Variants in TAS1R3 observed in about 807,000 individuals in gnomAD.
TAS1R3 encodes the protein taste 1 receptor member 3.
In TAS1R3, 58 loss-of-function variants were observed where a neutral mutation model predicts 46.1. The ratio of observed to expected loss-of-function variants is 1.26; its 90% CI spans 1.02 to 1.57. TAS1R3 has a LOEUF of 1.57. TAS1R3 is among the 40% of genes most tolerant of loss of function. TAS1R3 has a pLI of 0.00. For synonymous variants in TAS1R3, 724 were observed against 544.7 expected (o/e 1.33, Z -4.58); for missense variants, 1,422 against 1,185.8 (o/e 1.20, Z -2.93).
In TAS1R3 at chr1:1,333,000, T is replaced by TG; in HGVS notation, c.1357dup (p.Glu453GlyfsTer39). On this transcript the variant is annotated frameshift_variant, in exon 4 of 6. Coordinates refer to ENST00000339381, the MANE Select transcript of TAS1R3 (RefSeq NM_152228.3). LOFTEE classifies it high-confidence loss of function. ...TTCGACAGCAGCGGAAACGTGGACA[T>TG]GGAGTACGACCTGAAGCTGTGGGTG... The TG allele has an allele frequency of 1.9e-6, 3 of 1,612,746 alleles. No individual in the cohort carries two copies. The highest frequency in any genetic ancestry group is 4.5e-5 in the East Asian group (2 of 44,872).
rs752701749 is a variant in TAS1R3 at position 1,334,511 on chromosome 1, T to TC, written c.*54dup. On this transcript the variant is annotated 3_prime_UTR_variant, in exon 6 of 6. Coordinates refer to ENST00000339381, the MANE Select transcript of TAS1R3 (RefSeq NM_152228.3). The stretch of plus-strand genomic sequence containing the variant: ...CCGGTGAACCCAGACTTAGCTGCGA[T>TC]CCCCCCCAAGCCAGCAATGACCCGT... The TC allele has an allele frequency of 7.6e-6, 11 of 1,451,400 alleles. No individual in the cohort carries two copies. In the East Asian group the frequency reaches 9.8e-5, roughly 13 times the overall value. 89.9% of individuals were successfully genotyped at this position (1,451,400 alleles called of 1,614,324 possible).
In TAS1R3 at chr1:1,333,087, A is replaced by G. The variant is rs1270900600; in HGVS notation, c.1442A>G (p.Glu481Gly). The change falls in exon 4 of 6, where the codon GAG becomes GGG. Residue 481 changes from glutamate to glycine, a missense_variant. Transcript: ENST00000339381. The part of the protein sequence containing the change: ...VGRFNGSLRT[E>G]RLKIRWHTSD... ...AGGTTCAACGGCAGCCTCAGGACAG[A>G]GCGCCTGAAGATCCGCTGGCACACG... is the stretch of plus-strand genomic sequence containing the variant. The G allele has an allele frequency of 1.9e-6, 3 of 1,612,330 alleles. No individual in the cohort carries two copies.
rs1436911829 is a variant in TAS1R3 at position 1,334,002 on chromosome 1, C to G, written c.2097C>G (p.Tyr699Ter). The G allele has an allele frequency of 6.2e-7, 1 of 1,600,396 alleles. No homozygotes were observed. Among genetic ancestry groups the G allele is most frequent in the Non-Finnish European group, 8.5e-7 (1 of 1,179,790 alleles). The stretch of plus-strand genomic sequence containing the variant: ...TGGAGGTCGCACTGTGCACCTGGTA[C>G]CTGGTGGCCTTCCCGCCGGAGGTGG... ...MLVEVALCTW[Y>*]LVAFPPEVVT... Residue 699 changes from tyrosine (Y) to a stop codon, truncating the protein, a stop_gained, in exon 6 of 6, where the codon TAC becomes TAG. Transcript: ENST00000339381. LOFTEE classifies it low-confidence loss of function (END_TRUNC).
Position 1,333,584 on chromosome 1 carries a change from G to A in TAS1R3, c.1679G>A (p.Arg560Gln), listed in dbSNP as rs770681591. ...ACACGCTGCTTCCGCCGCAGGTCTC[G>A]GTTCCTGGCATGGGGCGAGCCGGCT... Reference protein sequence around the residue: ...RSTRCFRRRSRFLAWGEPAVL... With the variant: ...RSTRCFRRRSQFLAWGEPAVL... Residue 560 changes from arginine (R) to glutamine (Q), a missense_variant, in exon 6 of 6, where the codon CGG becomes CAG. Transcript: ENST00000339381. The A allele has an allele frequency of 3.3e-5, 53 of 1,607,678 alleles. No individual in the cohort carries two copies. Among genetic ancestry groups the A allele is most frequent in the East Asian group, 1.8e-4 (8 of 44,892 alleles).
Position 1,331,556 on chromosome 1 carries a change from T to C in TAS1R3, c.191+20T>C. ...CACCAGGTACAGAGGTGGGACGGCC[T>C]GGGTCGGGGTCAGGGTGACCAGGTC... On this transcript the variant is annotated intron_variant, in intron 1 of 5. Transcript: ENST00000339381. 3 of 1,598,106 alleles carry C rather than the reference T, an allele frequency of 1.9e-6. No homozygotes were observed. Among genetic ancestry groups the C allele is most frequent in the Non-Finnish European group, 2.6e-6 (3 of 1,172,750 alleles).
In TAS1R3 at chr1:1,334,627, T is replaced by TG; in HGVS notation, c.*165dup. 1.3e-6 allele frequency: 1 copy of TG among 766,354 alleles called. No individual in the cohort carries two copies. The highest frequency in any genetic ancestry group is 2.0e-6 in the Non-Finnish European group (1 of 491,592). The allele number at this position is 766,354 out of a possible 1,614,324, so 47.5% of individuals were successfully genotyped here. ...CAGTGAGCCCTAGGCCTGGAGCACG[T>TG]GGACACCCCTGTGACCATCTGGGCC... On this transcript the variant is annotated 3_prime_UTR_variant, in exon 6 of 6. Transcript: ENST00000339381.
At position 1,333,078 on chromosome 1, in the gene TAS1R3, T is replaced by A. The variant is rs776839510; in HGVS notation, c.1433T>A (p.Leu478His). The change falls in exon 4 of 6, where the codon CTC (leucine) becomes CAC (histidine). Residue 478 changes from leucine to histidine, a missense_variant. By Grantham distance (99) the Leu-to-His change is moderately conservative (BLOSUM62 -3). Transcript: ENST00000339381. ...GACGTGGGCAGGTTCAACGGCAGCC[T>A]CAGGACAGAGCGCCTGAAGATCCGC... ...LHDVGRFNGS[L>H]RTERLKIRWH... The A allele has an allele frequency of 6.2e-6, 10 of 1,612,428 alleles. No homozygotes were observed. In the African/African-American group the frequency reaches 1.1e-4, roughly 17 times the overall value.
chr1:1,332,644 G>A lies in TAS1R3; in HGVS notation c.1113G>A (p.Pro371=), dbSNP rs375666427. The part of the protein sequence containing the change: ...LEEDVVGQRC[P]QCDCITLQNV... Reference sequence around the variant, plus strand: ...AGGACGTGGTGGGCCAGCGCTGCCCGCAGTGTGACTGCATCACGCTGCAGA... The same window carrying A: ...AGGACGTGGTGGGCCAGCGCTGCCCACAGTGTGACTGCATCACGCTGCAGA... Residue 371 remains proline (P), a synonymous_variant, in exon 3 of 6, where the codon CCG becomes CCA. Transcript: ENST00000339381. 2.1e-5 allele frequency: 34 copies of A among 1,607,902 alleles called. No individual in the cohort carries two copies. The highest frequency in any genetic ancestry group is 8.8e-5 in the South Asian group (8 of 90,988).
intron 4 of TAS1R3, 40 bp from the exon 5 acceptor site, chr1:1,333,219 T>C (rs1349451572): frequency 6.3e-7 from 1 of 1,594,588 alleles, no homozygotes; most frequent in Non-Finnish European, 8.5e-7. Flanking sequence ...CCCGTGGGCA[T>C]GCCCAGCCGA....
Position 1,334,547 on chromosome 1 carries a change from A to G in TAS1R3, c.*83A>G. 7.2e-7 allele frequency: 1 copy of G among 1,381,810 alleles called. No homozygotes were observed. The highest frequency in any genetic ancestry group is 2.5e-5 in the East Asian group (1 of 39,762). 85.6% of individuals were successfully genotyped at this position (1,381,810 alleles called of 1,614,324 possible). A position where few individuals can be genotyped will look rare whatever the true frequency, so the allele number is the denominator to read the frequency against. On this transcript the variant is annotated 3_prime_UTR_variant, in exon 6 of 6. Coordinates refer to ENST00000339381, the MANE Select transcript of TAS1R3 (RefSeq NM_152228.3). ...CCAGCAATGACCCGTGTCTCGCTAC[A>G]GAGACCCTCCCGCTCTAGGTTCTGA...
chr1:1,334,575 C>A lies in TAS1R3; in HGVS notation c.*111C>A, dbSNP rs1469529289. On this transcript the variant is annotated 3_prime_UTR_variant, in exon 6 of 6. Coordinates refer to ENST00000339381, the MANE Select transcript of TAS1R3 (RefSeq NM_152228.3). ...GACCCTCCCGCTCTAGGTTCTGACC[C>A]CAGGTTGTCTCCTGACCCTGACCCC... is the stretch of plus-strand genomic sequence containing the variant. 21 of 1,268,996 alleles carry A rather than the reference C, an allele frequency of 1.7e-5. No homozygotes were observed. Among genetic ancestry groups the A allele is most frequent in the Non-Finnish European group, 2.0e-5 (19 of 947,196 alleles). The allele number at this position is 1,268,996 out of a possible 1,614,324, so 78.6% of individuals were successfully genotyped here. A position where few individuals can be genotyped will look rare whatever the true frequency, so the allele number is the denominator to read the frequency against.
At chr1:1,333,458 C>T (rs202162237) in intron 5 of TAS1R3, 48 bp from the exon 6 acceptor site, 16 of 1,603,416 alleles carry the variant, frequency 1.0e-5, no homozygotes, top group African/African-American at 1.3e-5. Context: ...GAGACCAGAG[C>T]CCACAGGGTA....
rs150689635 is a variant in TAS1R3 at position 1,333,869 on chromosome 1, C to T, written c.1964C>T (p.Ala655Val). The T allele has an allele frequency of 5.9e-5, 94 of 1,600,342 alleles. No individual in the cohort carries two copies. Among genetic ancestry groups the T allele is most frequent in the Non-Finnish European group, 7.1e-5 (84 of 1,179,816 alleles). ...TGCLSTLFLQ[A>V]AEIFVESELP... ...TGCCTGAGCACACTCTTCCTGCAGG[C>T]GGCCGAGATCTTCGTGGAGTCAGAA... is the stretch of plus-strand genomic sequence containing the variant. The change falls in exon 6 of 6, where the codon GCG becomes GTG. Residue 655 changes from alanine (A) to valine (V), a missense_variant. Transcript: ENST00000339381.
Position 1,334,305 on chromosome 1 carries a change from C to G in TAS1R3, c.2400C>G (p.Leu800=). Residue 800 remains leucine (L), a synonymous_variant, in exon 6 of 6, where the codon CTC becomes CTG. Transcript: ENST00000339381. ...CCGTGCAGATGGGCGCCCTCCTGCT[C>G]TGTGTCCTGGGCATCCTGGCTGCCT... is the stretch of plus-strand genomic sequence containing the variant. ...RPAVQMGALL[L]CVLGILAAFH... The G allele has an allele frequency of 6.2e-7, 1 of 1,611,878 alleles. No homozygotes were observed.
rs756997734 is a variant in TAS1R3, at chr1:1,332,134, G to A, written c.603G>A (p.Leu201=). ...RVQLTAAAEL[L]QEFGWNWVAA... ...AGCTGACGGCCGCCGCGGAGCTGCT[G>A]CAGGAGTTCGGCTGGAACTGGGTGG... The change falls in exon 3 of 6, where the codon CTG becomes CTA. Residue 201 remains leucine, a synonymous_variant. Transcript: ENST00000339381. 9 of 1,599,116 alleles carry A rather than the reference G, an allele frequency of 5.6e-6. No homozygotes were observed. The East Asian group carries it at 1.6e-4, about 28-fold the overall frequency.
At position 1,333,713 on chromosome 1, in the gene TAS1R3, G is replaced by A; in HGVS notation, c.1808G>A (p.Gly603Glu). ...HRDSPLVQASGGPLACFGLVC... is the reference protein window; with the variant it reads ...HRDSPLVQASEGPLACFGLVC... ...GACAGCCCACTGGTTCAGGCCTCGG[G>A]GGGGCCCCTGGCCTGCTTTGGCCTG... Residue 603 changes from glycine (G) to glutamate (E), a missense_variant, in exon 6 of 6, where the codon GGG (glycine) becomes GAG (glutamate). Gly to Glu is a moderately conservative substitution (Grantham distance 98, BLOSUM62 -2). Coordinates refer to ENST00000339381, the MANE Select transcript of TAS1R3 (RefSeq NM_152228.3). 4 of 1,609,192 alleles carry A rather than the reference G, an allele frequency of 2.5e-6. No individual in the cohort carries two copies. The highest frequency in any genetic ancestry group is 3.4e-6 in the Non-Finnish European group (4 of 1,178,954).
Position 1,334,531 on chromosome 1 carries a change from A to G in TAS1R3, c.*67A>G. The G allele has an allele frequency of 2.1e-6, 3 of 1,429,620 alleles. No individual in the cohort carries two copies. The highest frequency in any genetic ancestry group is 2.8e-6 in the Non-Finnish European group (3 of 1,087,660). 88.6% of individuals were successfully genotyped at this position (1,429,620 alleles called of 1,614,324 possible). A position where few individuals can be genotyped will look rare whatever the true frequency, so the allele number is the denominator to read the frequency against. The stretch of plus-strand genomic sequence containing the variant: ...TGCGATCCCCCCCAAGCCAGCAATG[A>G]CCCGTGTCTCGCTACAGAGACCCTC... On this transcript the variant is annotated 3_prime_UTR_variant, in exon 6 of 6. Coordinates refer to ENST00000339381, the MANE Select transcript of TAS1R3 (RefSeq NM_152228.3).
Position 1,332,755 on chromosome 1 carries a change from T to C in TAS1R3, c.1224T>C (p.Leu408=), listed in dbSNP as rs142726401. 1 of 1,605,670 alleles carries C rather than the reference T, an allele frequency of 6.2e-7. No homozygotes were observed. Among genetic ancestry groups the C allele is most frequent in the African/African-American group, 1.3e-5 (1 of 74,898 alleles). The change falls in exon 3 of 6, where the codon CTT becomes CTC. Residue 408 remains leucine (L), a synonymous_variant. Transcript: ENST00000339381. The part of the protein sequence containing the change: ...YSVAQALHNT[L]QCNASGCPAQ... ...TGGCCCAGGCCCTGCACAACACTCT[T>C]CAGTGCAACGCCTCAGGCTGCCCCG...
chr1:1,333,027 G>A lies in TAS1R3; in HGVS notation c.1382G>A (p.Trp461Ter). The stretch of plus-strand genomic sequence containing the variant: ...GAGTACGACCTGAAGCTGTGGGTGT[G>A]GCAGGGCTCAGTGCCCAGGCTCCAC... ...DMEYDLKLWVWQGSVPRLHDV... is the reference protein window; with the variant it reads ...DMEYDLKLWV Residue 461 changes from tryptophan to a stop codon, truncating the protein, a stop_gained, in exon 4 of 6, where the codon TGG becomes TAG. Transcript: ENST00000339381. LOFTEE classifies it high-confidence loss of function. 6 of 1,612,772 alleles carry A rather than the reference G, an allele frequency of 3.7e-6. No individual in the cohort carries two copies. Among genetic ancestry groups the A allele is most frequent in the Non-Finnish European group, 5.1e-6 (6 of 1,179,934 alleles).
Sources: gnomAD v4.1 joint callset for allele counts on GRCh38, gnomAD v4.1.1 for gene constraint, MANE v1.5 for transcripts, NCBI Gene and HGNC (gene_info 2026-07-23, HGNC 2026-07-21) for gene names.